The following ITGA4 variants were observed in gnomAD, a reference collection of about 807,000 sequenced individuals.
ITGA4 encodes integrin alpha-4.
Under a neutral mutation model 133.6 loss-of-function variants are expected in ITGA4, and 63 were observed. The observed-to-expected ratio is 0.47, with a 90% CI of 0.38 to 0.58. The LOEUF (loss-of-function observed/expected upper bound fraction) is 0.58, where lower values mean the gene tolerates loss of function less well. Among genes scored for constraint, ITGA4 ranks in the 20% least tolerant of loss-of-function variants. ITGA4 has a pLI of 0.00. For synonymous variants in ITGA4, 483 were observed against 438.0 expected, an observed-to-expected ratio of 1.10 and a Z score of -1.28; for missense variants, 1,076 against 1,252.7, an observed-to-expected ratio of 0.86 and a Z score of 2.13.
At chr2:181,500,855 T>G (rs900666356) in intron 15 of ITGA4, among the ~76,000 whole-genome samples, 6 of 152,140 alleles carry the variant, frequency 3.9e-5, no homozygotes, top group Non-Finnish European at 7.4e-5. Context: ...GAGCTTATAG[T>G]CTACTGGGGT....
intron 2 of ITGA4, 32 bp from the exon 3 acceptor site, chr2:181,474,928 A>G (rs1311203165): frequency 6.5e-7 from 1 of 1,538,330 alleles, no homozygotes; most frequent in Non-Finnish European, 9.0e-7. Flanking sequence ...TGTTTTCAAT[A>G]CAACTGATAA....
intron 2 of ITGA4, 70 bp from the exon 3 acceptor site, chr2:181,474,890 G>C: frequency 1.8e-6 from 2 of 1,122,400 alleles, no homozygotes; most frequent in Non-Finnish European, 2.6e-6. Context: ...CTGGGGATGA[G>C]TGCACAGTTT....
At chr2:181,500,548 A>G (rs542620604) in intron 15 of ITGA4, among the ~76,000 whole-genome samples, 1 of 152,270 alleles carries the variant, frequency 6.6e-6, no homozygotes, top group Non-Finnish European at 1.5e-5. Flanking sequence ...CCTGTGTTCC[A>G]TAAAACGCAT....
At chr2:181,507,136 A>G (rs1047911928) in intron 15 of ITGA4, among the ~76,000 whole-genome samples, 1 of 152,134 alleles carries the variant, frequency 6.6e-6, no homozygotes, top group Non-Finnish European at 1.5e-5. Context: ...TCTGTGACCA[A>G]TTCATCAAAT....
rs1437147050 is a variant in ITGA4, at chr2:181,509,161, A to T, written c.1696-497A>T. Among the ~76,000 whole-genome samples the T allele has an allele frequency of 1.8e-4, 26 of 148,048 alleles. 1 individual carries two copies. Among genetic ancestry groups the T allele is most frequent in the Non-Finnish European group, 3.1e-4 (21 of 66,934 alleles). On this transcript the variant is annotated intron_variant, in intron 15 of 27. Coordinates refer to ENST00000397033, the MANE Select transcript of ITGA4 (RefSeq NM_000885.6). ...AAAAAAAAAAAAAAAAAAAAAAAAAAAAAAAAAAAAAAAAAAAAAAACTAA... is the reference window on the plus strand; with the variant it reads ...AAAAAAAAAAAAAAAAAAAAAAAAATAAAAAAAAAAAAAAAAAAAAACTAA...
chr2:181,506,647 A>G (rs1686399972), intron 15 of ITGA4, among the ~76,000 whole-genome samples: 1 of 152,100 alleles, frequency 6.6e-6, no homozygotes, highest in Admixed American at 6.6e-5. Context: ...GGTGTGTGTC[A>G]TCTTTATTAA....
At chr2:181,473,549 G>A (rs529450239) in intron 2 of ITGA4, among the ~76,000 whole-genome samples, 1 of 152,324 alleles carries the variant, frequency 6.6e-6, no homozygotes, top group South Asian at 2.1e-4. Flanking sequence ...CTTCAGTTGT[G>A]ATTAAAGGTT....
chr2:181,457,547 C>T lies in ITGA4; in HGVS notation c.-108C>T, dbSNP rs201120521. ...TCCTTTAGCCCGCTGGCGCCGGACA[C>T]GCTGCGCCTCATCTCTTGGGGCGTT... On this transcript the variant is annotated 5_prime_UTR_variant, in exon 1 of 28. It adds an upstream start codon to the 5' untranslated region. Coordinates refer to ENST00000397033, the MANE Select transcript of ITGA4 (RefSeq NM_000885.6). 1.3e-5 allele frequency: 13 copies of T among 1,019,134 alleles called. No homozygotes were observed. Among genetic ancestry groups the T allele is most frequent in the Middle Eastern group, 3.2e-4 (1 of 3,110 alleles). 63.1% of individuals were successfully genotyped at this position (1,019,134 alleles called of 1,614,324 possible). A position where few individuals can be genotyped will look rare whatever the true frequency, so the allele number is the denominator to read the frequency against.
intron 15 of ITGA4, among the ~76,000 whole-genome samples, chr2:181,502,916 G>A (rs1225093456): frequency 6.6e-6 from 1 of 152,034 alleles, no homozygotes; most frequent in African/African-American, 2.4e-5. Flanking sequence ...GGAGCATGCA[G>A]CGGGAGGGAA....
rs368723657 is a variant in ITGA4 at position 181,485,702 on chromosome 2, T to A, written c.1042-179T>A. ...TGAGGTCTAATCATACTATTATGTGTTGACAGACTCAATAAATATTTATTG... is the reference window on the plus strand; with the variant it reads ...TGAGGTCTAATCATACTATTATGTGATGACAGACTCAATAAATATTTATTG... On this transcript the variant is annotated intron_variant, in intron 9 of 27. Coordinates refer to ENST00000397033, the MANE Select transcript of ITGA4 (RefSeq NM_000885.6). Among the ~76,000 whole-genome samples, 8 of 152,338 alleles carry A rather than the reference T, an allele frequency of 5.3e-5. No homozygotes were observed. In the East Asian group the frequency reaches 1.2e-3, roughly 22 times the overall value.
chr2:181,525,864 AAGG>A (rs940000002), intron 21 of ITGA4, among the ~76,000 whole-genome samples: 5 of 152,182 alleles, frequency 3.3e-5, no homozygotes, highest in African/African-American at 1.2e-4. Flanking sequence ...CTCATTCAAG[AAGG>A]AGATGTGTGG....
intron 2 of ITGA4, among the ~76,000 whole-genome samples, chr2:181,469,061 G>A (rs1264228879): frequency 6.6e-6 from 1 of 152,140 alleles, no homozygotes; most frequent in Admixed American, 6.5e-5. Context: ...ACTTCAGCCT[G>A]ACATTTGGAT....
chr2:181,484,593 A>G (rs1458609625), intron 9 of ITGA4, among the ~76,000 whole-genome samples: 1 of 152,212 alleles, frequency 6.6e-6, no homozygotes, highest in African/African-American at 2.4e-5. Context: ...GATGATTCCC[A>G]GTCATCTTAG....
intron 17 of ITGA4, among the ~76,000 whole-genome samples, chr2:181,521,509 G>T (rs1307048613): frequency 6.6e-6 from 1 of 152,176 alleles, no homozygotes. Flanking sequence ...AGAAAGAACT[G>T]CTGGCAGTGC....
At position 181,523,607 on chromosome 2, in the gene ITGA4, C is replaced by A; in HGVS notation, c.2169+75C>A. The A allele has an allele frequency of 1.3e-6, 1 of 778,852 alleles. No homozygotes were observed. The highest frequency in any genetic ancestry group is 2.2e-6 in the Non-Finnish European group (1 of 459,844). 48.2% of individuals were successfully genotyped at this position (778,852 alleles called of 1,614,324 possible). ...TCTATTCTTCCCTATCTTTAGGTTG[C>A]ATAGAAAATATTATAAATATTTTAG... On this transcript the variant is annotated intron_variant, in intron 19 of 27. Transcript: ENST00000397033. The surrounding 1 kb of genome is among the most constrained non-coding windows in gnomAD (Gnocchi z 4.2).
At chr2:181,463,702 G>A (rs1685342488) in intron 2 of ITGA4, among the ~76,000 whole-genome samples, 1 of 152,078 alleles carries the variant, frequency 6.6e-6, no homozygotes, top group African/African-American at 2.4e-5. Flanking sequence ...AGACATAGAA[G>A]TAAAAATCTA....
chr2:181,537,367 C>T lies in ITGA4; in HGVS notation c.*1840C>T, dbSNP rs1559063520. 1.3e-5 allele frequency: 6 copies of T among 453,774 alleles called. No individual in the cohort carries two copies. In the East Asian group the frequency reaches 3.5e-4, roughly 27 times the overall value. 28.1% of individuals were successfully genotyped at this position (453,774 alleles called of 1,614,324 possible). A position where few individuals can be genotyped will look rare whatever the true frequency, so the allele number is the denominator to read the frequency against. Reference sequence around the variant, plus strand: ...ACAGGCCTCTCAGATACAAGGGGAACACAATTACATATTGGGCTAGATTTT... The same window carrying T: ...ACAGGCCTCTCAGATACAAGGGGAATACAATTACATATTGGGCTAGATTTT... On this transcript the variant is annotated 3_prime_UTR_variant, in exon 28 of 28. Transcript: ENST00000397033.
At chr2:181,461,532 A>T (rs1685278175) in intron 2 of ITGA4, among the ~76,000 whole-genome samples, 1 of 152,028 alleles carries the variant, frequency 6.6e-6, no homozygotes, top group Non-Finnish European at 1.5e-5. Flanking sequence ...GTTTAAAGGA[A>T]ACTTTAATCA....
At chr2:181,479,527 G>A (rs1685756742) in intron 5 of ITGA4, 1 of 151,840 alleles carries the variant, frequency 6.6e-6, no homozygotes, top group Non-Finnish European at 1.5e-5. Context: ...GATTGTTTAG[G>A]AGTATAGAAA....
Sources: gnomAD v4.1 joint callset for allele counts (sites outside exome capture counted in the v4.1 genomes callset) on GRCh38, gnomAD v4.1.1 for gene constraint, Gnocchi (gnomAD v3.1) non-coding constraint, MANE v1.5 for transcripts, NCBI Gene and HGNC (gene_info 2026-07-23, HGNC 2026-07-21) for gene names.